Variants in SLC12A9 observed in about 807,000 individuals in gnomAD.
The protein encoded by SLC12A9 is CCC-interacting protein 1.
A neutral mutation model predicts 66.0 loss-of-function variants in SLC12A9; 55 were observed. The ratio of observed to expected loss-of-function variants is 0.83; its 90% CI spans 0.67 to 1.04. The LOEUF (loss-of-function observed/expected upper bound fraction) is 1.04. SLC12A9 is among the 50% of genes least tolerant of loss of function. The probability of loss-of-function intolerance (pLI) is 0.00; values close to 1 mark genes in which losing one functional copy is unlikely to be tolerated. For synonymous variants in SLC12A9, 577 were observed against 569.0 expected, an observed-to-expected ratio of 1.01 and a Z score of -0.20; for missense variants, 1,061 against 1,241.9, an observed-to-expected ratio of 0.85 and a Z score of 2.19.
At chr7:100,850,222 TTTCCTTCCTTCA>T (rs199804552), upstream of SLC12A9, among the ~76,000 whole-genome samples, 2,290 of 137,144 alleles carry the variant, frequency 0.017, 68 homozygotes, top group African/African-American at 0.055. Context: ...CCCTCCCTTC[TTTCCTTCCTTCA>T]TTCCTTCCTT....
chr7:100,842,356 C>A (rs952830189), intron 1 of SLC12A9, among the ~76,000 whole-genome samples: 9 of 151,826 alleles, frequency 5.9e-5, no homozygotes, highest in African/African-American at 2.2e-4. Context: ...CTTTGTTATA[C>A]CCTGTGAGGA....
upstream of SLC12A9, among the ~76,000 whole-genome samples, chr7:100,850,921 T>C (rs1383697561): frequency 6.6e-6 from 1 of 152,094 alleles, no homozygotes; most frequent in Admixed American, 6.6e-5. Context: ...GGTATCACCA[T>C]GTTGGCCAGG....
At chr7:100,865,623 C>G in intron 13 of SLC12A9, 96 bp from the exon 14 acceptor site, 3 of 1,555,954 alleles carry the variant, frequency 1.9e-6, no homozygotes, top group Non-Finnish European at 2.6e-6. Context: ...ATACCTATGG[C>G]TGACGCACCT....
chr7:100,856,985 A>G lies in SLC12A9; in HGVS notation c.566A>G (p.Tyr189Cys). The G allele has an allele frequency of 6.2e-7, 1 of 1,613,990 alleles. No individual in the cohort carries two copies. The highest frequency in any genetic ancestry group is 8.5e-7 in the Non-Finnish European group (1 of 1,180,014). ...GTCTGCACCCTGGGAGCCGGCCTCT[A>G]TGCCCGGGCCTCATTCCTCACATTC... ...GGVCTLGAGLYARASFLTFLL... is the reference protein window; with the variant it reads ...GGVCTLGAGLCARASFLTFLL... The change falls in exon 5 of 14, where the codon TAT becomes TGT. Residue 189 changes from tyrosine (Y) to cysteine (C), a missense_variant. Physicochemically the swap from Tyr to Cys is radical, Grantham distance 194 (BLOSUM62 -2). Transcript: ENST00000354161.
At chr7:100,838,673 C>G (rs75314529) in intron 1 of SLC12A9, among the ~76,000 whole-genome samples, 2,545 of 152,150 alleles carry the variant, frequency 0.017, 62 homozygotes, top group African/African-American at 0.059. Flanking sequence ...TGTAGCACCA[C>G]GCCGGCTAAT....
In SLC12A9 at chr7:100,861,054, C is replaced by T. The variant is rs1477983914; in HGVS notation, c.1219-84C>T. The T allele has an allele frequency of 1.2e-6, 2 of 1,607,414 alleles. No homozygotes were observed. The highest frequency in any genetic ancestry group is 1.1e-5 in the South Asian group (1 of 90,772). Reference sequence around the variant, plus strand: ...TGGGGCTCATTGACACTTTGGGGTACACTGGCATTCTTTGGTGTTCACTGG... The same window carrying T: ...TGGGGCTCATTGACACTTTGGGGTATACTGGCATTCTTTGGTGTTCACTGG... On this transcript the variant is annotated intron_variant, in intron 9 of 13. Transcript: ENST00000354161. This position sits in a 1 kb window ranked among gnomAD's most constrained non-coding sequence, Gnocchi z 5.3.
intron 1 of SLC12A9, among the ~76,000 whole-genome samples, chr7:100,845,642 C>G (rs923887611): frequency 6.6e-6 from 1 of 152,244 alleles, no homozygotes. Flanking sequence ...GGCCACCACG[C>G]CCGGCCTATT....
rs1010329048 is a variant in SLC12A9, at chr7:100,826,989, T to C, written n.170T>C. On this transcript the variant is annotated non_coding_transcript_exon_variant, in exon 1 of 2. Transcript: ENST00000461016. Reference sequence around the variant, plus strand: ...CGCAAGGAAACTCACCTTCCAAAGCTGCGGCCAACGAAGCCCAGCAGAGCA... The same window carrying C: ...CGCAAGGAAACTCACCTTCCAAAGCCGCGGCCAACGAAGCCCAGCAGAGCA... The C allele has an allele frequency of 3.8e-6, 6 of 1,565,192 alleles. No homozygotes were observed. The African/African-American group carries it at 5.5e-5, about 14-fold the overall frequency.
upstream of SLC12A9, among the ~76,000 whole-genome samples, chr7:100,848,514 A>G (rs186606782): frequency 1.3e-5 from 2 of 149,954 alleles, no homozygotes. Context: ...AAATAAATAA[A>G]TAAATAAATA....
chr7:100,834,228 G>A (rs907081289), intron 1 of SLC12A9, among the ~76,000 whole-genome samples: 1 of 152,146 alleles, frequency 6.6e-6, no homozygotes, highest in Non-Finnish European at 1.5e-5. Context: ...AGAGTTGTGA[G>A]GTCGCCCCAT....
At chr7:100,845,326 G>A (rs1765959433) in intron 1 of SLC12A9, among the ~76,000 whole-genome samples, 1 of 150,516 alleles carries the variant, frequency 6.6e-6, no homozygotes, top group Admixed American at 6.7e-5. Context: ...AAGTAGTTGT[G>A]TTATTGGCGC....
At chr7:100,856,596 C>A in intron 4 of SLC12A9, 1 of 408,292 alleles carries the variant, frequency 2.4e-6, no homozygotes, top group East Asian at 4.0e-5. Context: ...CTCAATGCAA[C>A]TTCTGCCTCC....
rs1584694639 is a variant in SLC12A9 at position 100,855,740 on chromosome 7, G to A, written c.351G>A (p.Gly117=). The A allele has an allele frequency of 6.2e-7, 1 of 1,614,176 alleles. No individual in the cohort carries two copies. The highest frequency in any genetic ancestry group is 8.5e-7 in the Non-Finnish European group (1 of 1,180,012). Residue 117 remains glycine, a synonymous_variant, in exon 4 of 14, where the codon GGG becomes GGA. Transcript: ENST00000354161. Reference sequence around the variant, plus strand: ...GCCGCACACTGGGGCCCGAGGTCGGGGGCAGCATTGGGCTCATGTTCTACC... The same window carrying A: ...GCCGCACACTGGGGCCCGAGGTCGGAGGCAGCATTGGGCTCATGTTCTACC... ...MISRTLGPEV[G]GSIGLMFYLA...
At chr7:100,848,304 A>G (rs1235465054), upstream of SLC12A9, among the ~76,000 whole-genome samples, 1 of 151,678 alleles carries the variant, frequency 6.6e-6, no homozygotes, top group Non-Finnish European at 1.5e-5. Flanking sequence ...CAACAGTTCA[A>G]GACCAGCCTG....
chr7:100,854,132 G>C (rs1814238910), intron 1 of SLC12A9, 24 bp from the exon 2 acceptor site: 2 of 1,443,452 alleles, frequency 1.4e-6, no homozygotes, highest in Non-Finnish European at 1.8e-6. Flanking sequence ...GGGAGCTTTT[G>C]ATGCAACATA....
chr7:100,848,241 A>G (rs1813961595), upstream of SLC12A9, among the ~76,000 whole-genome samples: 3 of 152,008 alleles, frequency 2.0e-5, no homozygotes, highest in African/African-American at 7.2e-5. Context: ...GCGGTGGCTC[A>G]TGTCTGTAAT....
Position 100,857,119 on chromosome 7 carries a change from C to T in SLC12A9, c.700C>T (p.Pro234Ser), listed in dbSNP as rs1228361790. 1.2e-6 allele frequency: 2 copies of T among 1,614,176 alleles called. No homozygotes were observed. The highest frequency in any genetic ancestry group is 1.7e-6 in the Non-Finnish European group (2 of 1,180,026). The change falls in exon 5 of 14, where the codon CCC (proline) becomes TCC (serine). Residue 234 changes from proline (P) to serine (S), a missense_variant. Physicochemically the swap from Pro to Ser is moderately conservative, Grantham distance 74 (BLOSUM62 -1). Transcript: ENST00000354161. ...RPGPNGSSLPPRFGHFTGFNS... is the reference protein window; with the variant it reads ...RPGPNGSSLPSRFGHFTGFNS... ...TGGCCCCAATGGCTCCTCCCTGCCG[C>T]CCCGGTTTGGCCACTTCACCGGCTT...
chr7:100,838,974 C>T (rs1168794958), intron 1 of SLC12A9, among the ~76,000 whole-genome samples: 3 of 152,028 alleles, frequency 2.0e-5, no homozygotes, highest in African/African-American at 7.2e-5. Context: ...CCCCTGCTTG[C>T]TCAATCAATC....
chr7:100,860,953 G>C (rs2116626955), intron 9 of SLC12A9, 185 bp from the exon 10 acceptor site: 1 of 1,042,868 alleles, frequency 9.6e-7, no homozygotes, highest in Middle Eastern at 2.0e-4. Flanking sequence ...GGCACTTTTG[G>C]GGTTTAATAG....
Sources: gnomAD v4.1 joint callset for allele counts (sites outside exome capture counted in the v4.1 genomes callset) on GRCh38, gnomAD v4.1.1 for gene constraint, Gnocchi (gnomAD v3.1) non-coding constraint, MANE v1.5 for transcripts, NCBI Gene and HGNC (gene_info 2026-07-23, HGNC 2026-07-21) for gene names.